The following TMEFF2 variants were observed in gnomAD, a reference collection of about 807,000 sequenced individuals.
TMEFF2 encodes the protein tomoregulin-2.
Under a neutral mutation model 53.8 loss-of-function variants are expected in TMEFF2, and 28 were observed. That is an observed-to-expected ratio of 0.52 (90% confidence interval 0.39 to 0.71). TMEFF2 has a LOEUF of 0.71. TMEFF2 is among the 30% of genes least tolerant of loss of function. TMEFF2 has a pLI of 0.00. For synonymous variants in TMEFF2, 162 were observed against 166.3 expected (o/e 0.97, Z 0.20); for missense variants, 353 against 455.2 (o/e 0.78, Z 2.04).
intron 2 of TMEFF2, among the ~76,000 whole-genome samples, chr2:192,189,944 C>T (rs1691421584): frequency 6.6e-6 from 1 of 152,096 alleles, no homozygotes; most frequent in Admixed American, 6.6e-5. Context: ...ATTTAAAATG[C>T]CACAAGGATT....
At chr2:191,980,937 CAACTAAAATCT>C (rs754911397) in intron 7 of TMEFF2, among the ~76,000 whole-genome samples, 1 of 152,040 alleles carries the variant, frequency 6.6e-6, no homozygotes, top group Non-Finnish European at 1.5e-5. Context: ...CTCCTAAATC[CAACTAAAATCT>C]ATGTATTTCT....
chr2:191,977,124 T>C (rs923513416), intron 7 of TMEFF2, among the ~76,000 whole-genome samples: 6 of 152,230 alleles, frequency 3.9e-5, no homozygotes, highest in Admixed American at 2.6e-4. Context: ...CTGAAGCCGA[T>C]ACATGAAATA....
Position 192,165,773 on chromosome 2 carries a change from C to T in TMEFF2, c.439+13895G>A, listed in dbSNP as rs528460413. On this transcript the variant is annotated intron_variant, in intron 4 of 9. Coordinates refer to ENST00000272771, the MANE Select transcript of TMEFF2 (RefSeq NM_016192.4). Reference sequence around the variant, plus strand: ...AAAAAAAAAAAATTAGAGACTTTGTCAAAAAGAATGCTCCCTCAGCATTAG... The same window carrying T: ...AAAAAAAAAAAATTAGAGACTTTGTTAAAAAGAATGCTCCCTCAGCATTAG... Among the ~76,000 whole-genome samples, 225 of 151,140 alleles carry T rather than the reference C, an allele frequency of 1.5e-3. 2 individuals are homozygous for T. The highest frequency in any genetic ancestry group is 7.1e-3 in the Middle Eastern group (2 of 282).
intron 4 of TMEFF2, among the ~76,000 whole-genome samples, chr2:192,155,089 T>C (rs778043796): frequency 6.6e-6 from 1 of 152,016 alleles, no homozygotes; most frequent in Admixed American, 6.6e-5. Flanking sequence ...GTGACAATTA[T>C]TAGGTTTTGG....
chr2:191,982,917 A>G (rs140343370), intron 7 of TMEFF2, among the ~76,000 whole-genome samples: 9 of 152,290 alleles, frequency 5.9e-5, no homozygotes, highest in Admixed American at 6.5e-5. Context: ...GTCATTAGAA[A>G]CAATAATTCA....
chr2:191,993,717 C>T (rs990922652), intron 7 of TMEFF2, among the ~76,000 whole-genome samples: 2 of 151,974 alleles, frequency 1.3e-5, no homozygotes, highest in African/African-American at 4.8e-5. Context: ...TTACTTTAGT[C>T]TGTCATAGAA....
chr2:192,084,180 G>A (rs574582388), intron 4 of TMEFF2, among the ~76,000 whole-genome samples: 18 of 152,228 alleles, frequency 1.2e-4, no homozygotes, highest in Admixed American at 7.8e-4. Flanking sequence ...AGGCTCTTCC[G>A]CTGTCTGTAA....
chr2:192,070,183 C>A (rs1346978177), intron 4 of TMEFF2, among the ~76,000 whole-genome samples: 3 of 151,448 alleles, frequency 2.0e-5, no homozygotes, highest in African/African-American at 7.3e-5. Flanking sequence ...CTAAAATTTT[C>A]AGGTATAAAC....
chr2:191,958,619 A>AGT (rs1692177100), intron 7 of TMEFF2, among the ~76,000 whole-genome samples: 1 of 152,220 alleles, frequency 6.6e-6, no homozygotes, highest in African/African-American at 2.4e-5. Flanking sequence ...CTGCTGCCTT[A>AGT]GTGTGGTAAG....
At chr2:191,970,099 CTAAAA>C (rs1692591763) in intron 7 of TMEFF2, among the ~76,000 whole-genome samples, 1 of 152,056 alleles carries the variant, frequency 6.6e-6, no homozygotes, top group Admixed American at 6.6e-5. Flanking sequence ...ATAATGCTGC[CTAAAA>C]TAAAACTTTT....
intron 7 of TMEFF2, among the ~76,000 whole-genome samples, chr2:191,987,579 G>A (rs1039661087): frequency 2.6e-5 from 4 of 151,952 alleles, no homozygotes; most frequent in Non-Finnish European, 5.9e-5. Context: ...GCTAATTTTC[G>A]TGCTTTTTGT....
chr2:192,194,394 G>A lies in TMEFF2; in HGVS notation c.131C>T (p.Ser44Phe), dbSNP rs756475214. 8.1e-6 allele frequency: 13 copies of A among 1,614,102 alleles called. No individual in the cohort carries two copies. The highest frequency in any genetic ancestry group is 4.0e-5 in the African/African-American group (3 of 74,932). Reference protein sequence around the residue: ...RPVKLAAFPTSLSDCQTPTGW... With the variant: ...RPVKLAAFPTFLSDCQTPTGW... ...GGTGGGCGTTTGGCAGTCACTTAAG[G>A]AGGTAGGGAAAGCAGCGAGCTTCAC... The change falls in exon 1 of 10, where the codon TCC becomes TTC. Residue 44 changes from serine to phenylalanine, a missense_variant. By Grantham distance (155) the Ser-to-Phe change is radical (BLOSUM62 -2). Coordinates refer to ENST00000272771, the MANE Select transcript of TMEFF2 (RefSeq NM_016192.4). This position sits in a 1 kb window ranked among gnomAD's most constrained non-coding sequence, Gnocchi z 4.2.
intron 4 of TMEFF2, among the ~76,000 whole-genome samples, chr2:192,118,169 C>A (rs1689462353): frequency 6.6e-6 from 1 of 151,954 alleles, no homozygotes; most frequent in African/African-American, 2.4e-5. Flanking sequence ...ATTTTGTAAG[C>A]TTCTCAGTGA....
At chr2:192,114,432 TGA>T in intron 4 of TMEFF2, among the ~76,000 whole-genome samples, 1 of 149,562 alleles carries the variant, frequency 6.7e-6, no homozygotes, top group Non-Finnish European at 1.5e-5. Context: ...CATATAACAC[TGA>T]GAGTCCTAGC....
At chr2:191,963,653 G>A (rs1156873843) in intron 7 of TMEFF2, among the ~76,000 whole-genome samples, 1 of 152,212 alleles carries the variant, frequency 6.6e-6, no homozygotes, top group Non-Finnish European at 1.5e-5. Flanking sequence ...CACCAAAGCT[G>A]TCTTTCAGTA....
chr2:192,139,742 G>A (rs1690093655), intron 4 of TMEFF2, among the ~76,000 whole-genome samples: 1 of 152,176 alleles, frequency 6.6e-6, no homozygotes, highest in Non-Finnish European at 1.5e-5. Context: ...ATTATTTCAT[G>A]AGGTCTATCA....
At chr2:192,128,022 ATAAT>A (rs1404042687) in intron 4 of TMEFF2, among the ~76,000 whole-genome samples, 2 of 152,162 alleles carry the variant, frequency 1.3e-5, no homozygotes, top group South Asian at 2.1e-4. Flanking sequence ...CAAGGTAGTG[ATAAT>A]TAATATTTCC....
chr2:192,092,741 G>A (rs1688818686), intron 4 of TMEFF2, among the ~76,000 whole-genome samples: 1 of 152,118 alleles, frequency 6.6e-6, no homozygotes, highest in African/African-American at 2.4e-5. Flanking sequence ...CAGATCAAGT[G>A]AGTAGAAGGT....
chr2:192,114,064 TTG>T (rs34553641), intron 4 of TMEFF2, among the ~76,000 whole-genome samples: 13,993 of 142,928 alleles, frequency 0.098, 855 homozygotes, highest in African/African-American at 0.18. Context: ...AATCTGGAAA[TTG>T]TGTGTGTGTG....
Sources: gnomAD v4.1 joint callset for allele counts (sites outside exome capture counted in the v4.1 genomes callset) on GRCh38, gnomAD v4.1.1 for gene constraint, Gnocchi (gnomAD v3.1) non-coding constraint, MANE v1.5 for transcripts, NCBI Gene and HGNC (gene_info 2026-07-23, HGNC 2026-07-21) for gene names.